EIF3H: variants seen among roughly 807,000 people sequenced by gnomAD.
The protein encoded by EIF3H is eIF-3-gamma.
In EIF3H, 26 loss-of-function variants were observed where a neutral mutation model predicts 44.2. That is an observed-to-expected ratio of 0.59 (90% CI 0.43 to 0.82). The LOEUF is 0.82. EIF3H is among the 40% of genes least tolerant of loss of function. The probability of loss-of-function intolerance (pLI) is 0.00; values close to 1 mark genes in which losing one functional copy is unlikely to be tolerated. For synonymous variants in EIF3H, 166 were observed against 151.9 expected, an observed-to-expected ratio of 1.09 and a Z score of -0.68; for missense variants, 359 against 432.8, an observed-to-expected ratio of 0.83 and a Z score of 1.51.
intron 2 of EIF3H, among the ~76,000 whole-genome samples, chr8:116,693,835 G>A (rs1360053080): frequency 7.2e-5 from 11 of 152,078 alleles, no homozygotes; most frequent in Admixed American, 2.0e-4. Context: ...GCACCACCAC[G>A]TGGCTATTTT....
intron 1 of EIF3H, among the ~76,000 whole-genome samples, chr8:116,743,795 T>A (rs201229611): frequency 4.8e-4 from 23 of 48,384 alleles, no homozygotes; most frequent in East Asian, 1.8e-3. Flanking sequence ...TATATATATA[T>A]ATAAACACAC....
At position 116,700,918 on chromosome 8, in the gene EIF3H, A is replaced by G. The variant is rs540560408; in HGVS notation, c.289+25098T>C. 4.6e-5 allele frequency among the ~76,000 whole-genome samples: 7 copies of G among 152,330 alleles called. No homozygotes were observed. In the South Asian group the frequency reaches 1.2e-3, roughly 27 times the overall value. On this transcript the variant is annotated intron_variant, in intron 2 of 7. Transcript: ENST00000521861. ...GTCCACCCTTCTAAATATAGGGTAT[A>G]CTCAAAACATTGAACTAGCTATCTT...
intron 1 of EIF3H, among the ~76,000 whole-genome samples, chr8:116,730,921 T>C (rs1199800387): frequency 6.6e-6 from 1 of 152,176 alleles, no homozygotes; most frequent in African/African-American, 2.4e-5. Flanking sequence ...CCATTTTACA[T>C]AAGGAAACAA....
At chr8:116,755,642 C>T (rs1332682290) in intron 1 of EIF3H, 24 bp downstream of exon 1, 1 of 1,613,528 alleles carries the variant, frequency 6.2e-7, no homozygotes, top group South Asian at 1.1e-5. Context: ...CCACGTGGGC[C>T]AGAGGAAAAA....
intron 5 of EIF3H, among the ~76,000 whole-genome samples, chr8:116,649,381 T>C (rs1418651156): frequency 1.3e-5 from 2 of 152,168 alleles, no homozygotes; most frequent in Non-Finnish European, 2.9e-5. Context: ...AAATGAACAA[T>C]GGTAACATTT....
rs199978615 is a variant in EIF3H, at chr8:116,671,211, C to T, written c.290-12231G>A. On this transcript the variant is annotated intron_variant, in intron 2 of 7. Coordinates refer to ENST00000521861, the MANE Select transcript of EIF3H (RefSeq NM_003756.3). ...TGTTTTACTTTCCCTAAACTTGCTT[C>T]AGCTTGTTTGTCATCCCCTAACGCA... Among the ~76,000 whole-genome samples the T allele has an allele frequency of 7.2e-5, 11 of 152,316 alleles. No individual in the cohort carries two copies. In the East Asian group the frequency reaches 1.9e-3, roughly 27 times the overall value.
Position 116,671,361 on chromosome 8 carries a change from G to A in EIF3H, c.290-12381C>T, listed in dbSNP as rs527530100. ...GCATAGGGAGCTAGGTTTAATCAGA[G>A]TATCTGCAATGTTTCAAAGCATCTC... On this transcript the variant is annotated intron_variant, in intron 2 of 7. Transcript: ENST00000521861. Among the ~76,000 whole-genome samples the A allele has an allele frequency of 9.2e-5, 14 of 152,278 alleles. No homozygotes were observed. In the South Asian group the frequency reaches 2.3e-3, roughly 25 times the overall value.
chr8:116,688,073 G>GT (rs1563642978), intron 2 of EIF3H, among the ~76,000 whole-genome samples: 1 of 152,110 alleles, frequency 6.6e-6, no homozygotes, highest in South Asian at 2.1e-4. Flanking sequence ...CTTCACTTAT[G>GT]TAAGATACAT....
At chr8:116,665,099 C>T (rs1813646666) in intron 2 of EIF3H, among the ~76,000 whole-genome samples, 1 of 152,182 alleles carries the variant, frequency 6.6e-6, no homozygotes, top group Non-Finnish European at 1.5e-5. Flanking sequence ...TAGCCAGCCA[C>T]CCATTTTGAG....
intron 2 of EIF3H, among the ~76,000 whole-genome samples, chr8:116,660,627 G>A (rs1003793409): frequency 6.6e-6 from 1 of 152,124 alleles, no homozygotes. Context: ...CTACGGCAAT[G>A]TTGCAACAGA....
At chr8:116,679,246 A>G in intron 2 of EIF3H, among the ~76,000 whole-genome samples, 1 of 43,886 alleles carries the variant, frequency 2.3e-5, no homozygotes. Context: ...CCCTACTGGG[A>G]AGTGAGGAGC....
chr8:116,698,343 G>A (rs1814305846), intron 2 of EIF3H, among the ~76,000 whole-genome samples: 1 of 152,138 alleles, frequency 6.6e-6, no homozygotes, highest in Admixed American at 6.5e-5. Flanking sequence ...CAAGTCATGA[G>A]TGACAAGTTA....
intron 5 of EIF3H, among the ~76,000 whole-genome samples, chr8:116,655,107 C>A (rs1043462221): frequency 2.0e-5 from 3 of 151,872 alleles, no homozygotes; most frequent in African/African-American, 7.3e-5. Flanking sequence ...ACAAAATAAT[C>A]ACTAACATAA....
intron 6 of EIF3H, among the ~76,000 whole-genome samples, chr8:116,647,811 C>T (rs1254516781): frequency 2.6e-5 from 4 of 152,064 alleles, no homozygotes; most frequent in African/African-American, 4.8e-5. Context: ...CAATTTGATA[C>T]CCTGGATGAG....
At chr8:116,711,955 GCA>G (rs35382492) in intron 2 of EIF3H, among the ~76,000 whole-genome samples, 35,774 of 152,034 alleles carry the variant, frequency 0.24, 5,363 homozygotes, top group African/African-American at 0.43. Flanking sequence ...AAAGTGCCCA[GCA>G]CACAGTTTCC....
intron 2 of EIF3H, among the ~76,000 whole-genome samples, chr8:116,659,889 A>T (rs1463622329): frequency 6.6e-6 from 1 of 151,826 alleles, no homozygotes; most frequent in Non-Finnish European, 1.5e-5. Context: ...ATTATTATTT[A>T]TTATTATTAT....
chr8:116,725,298 G>A (rs1378577519), intron 2 of EIF3H, among the ~76,000 whole-genome samples: 1 of 152,166 alleles, frequency 6.6e-6, no homozygotes, highest in Non-Finnish European at 1.5e-5. Context: ...GGGATTGTTC[G>A]ATGGATACAG....
chr8:116,742,964 G>GT (rs371605632), intron 1 of EIF3H, among the ~76,000 whole-genome samples: 2 of 152,314 alleles, frequency 1.3e-5, no homozygotes, highest in African/African-American at 4.8e-5. Context: ...CCACAAGGTG[G>GT]TTATTCATCA....
rs535649456 is a variant in EIF3H, at chr8:116,721,608, G to A, written c.289+4408C>T. On this transcript the variant is annotated intron_variant, in intron 2 of 7. Transcript: ENST00000521861. ...TGCCAGCCCATGAAAGCAGCCAGGA[G>A]GGAGGTTGTACCCTGCAATGCCACA... is the stretch of plus-strand genomic sequence containing the variant. Among the ~76,000 whole-genome samples, 5 of 152,360 alleles carry A rather than the reference G, an allele frequency of 3.3e-5. No homozygotes were observed. In the South Asian group the frequency reaches 1.0e-3, roughly 32 times the overall value.
Sources: allele counts gnomAD v4.1 joint callset (sites outside exome capture counted in the v4.1 genomes callset), GRCh38; gene constraint gnomAD v4.1.1; transcripts MANE v1.5; gene names NCBI Gene and HGNC (gene_info 2026-07-23, HGNC 2026-07-21).